The following ZSCAN25 variants were observed in gnomAD, a reference collection of about 807,000 sequenced individuals.
ZSCAN25 encodes the protein zinc finger and SCAN domain-containing protein 25.
A neutral mutation model predicts 38.7 loss-of-function variants in ZSCAN25; 27 were observed. The observed-to-expected ratio is 0.70, with a 90% CI of 0.51 to 0.96. ZSCAN25 has a LOEUF of 0.96. ZSCAN25 is among the 40% of genes least tolerant of loss of function. The probability of loss-of-function intolerance (pLI) is 0.00; values close to 1 mark genes in which losing one functional copy is unlikely to be tolerated. For synonymous variants in ZSCAN25, 273 were observed against 277.7 expected (o/e 0.98, Z 0.17); for missense variants, 637 against 705.9 (o/e 0.90, Z 1.11).
chr7:99,735,714 GTCT>G, the ZSCAN25 span, among the ~76,000 whole-genome samples: 1 of 152,150 alleles, frequency 6.6e-6, no homozygotes, highest in East Asian at 1.9e-4. Flanking sequence ...CAGTTCTATT[GTCT>G]TCTTTCCTCT....
chr7:99,663,347 T>C, the ZSCAN25 span: 4 of 993,788 alleles, frequency 4.0e-6, no homozygotes, highest in African/African-American at 7.0e-5. Flanking sequence ...TCTCAAACTC[T>C]ATATAATCTT....
the ZSCAN25 span, among the ~76,000 whole-genome samples, chr7:99,712,482 G>A: frequency 2.6e-5 from 4 of 152,122 alleles, no homozygotes; most frequent in Admixed American, 6.6e-5. Context: ...TTCATCAGTG[G>A]CACTAGCCAC....
the ZSCAN25 span, among the ~76,000 whole-genome samples, chr7:99,711,548 C>A: frequency 2.6e-5 from 4 of 152,278 alleles, no homozygotes; most frequent in East Asian, 5.8e-4. Context: ...GTGGGTGGAT[C>A]ACCCGAGGTC....
chr7:99,731,019 C>T, the ZSCAN25 span: 1 of 1,609,954 alleles, frequency 6.2e-7, no homozygotes, highest in Middle Eastern at 1.7e-4. Context: ...TTGCTCTTTG[C>T]AATCATAAGA....
chr7:99,630,068 G>A lies in ZSCAN25; in HGVS notation c.*48G>A. 2.1e-6 allele frequency: 3 copies of A among 1,463,368 alleles called. No individual in the cohort carries two copies. The highest frequency in any genetic ancestry group is 2.7e-6 in the Non-Finnish European group (3 of 1,106,876). The allele number at this position is 1,463,368 out of a possible 1,614,324, so 90.6% of individuals were successfully genotyped here. On this transcript the variant is annotated 3_prime_UTR_variant, in exon 8 of 8. Transcript: ENST00000394152. ...CCATCATTCATCTTTCTCACTGCAGGGCCTTGCGGGGTGCAAGGTGATGGC... is the reference window on the plus strand; with the variant it reads ...CCATCATTCATCTTTCTCACTGCAGAGCCTTGCGGGGTGCAAGGTGATGGC...
the ZSCAN25 span, among the ~76,000 whole-genome samples, chr7:99,699,335 G>A: frequency 1.3e-5 from 2 of 152,174 alleles, no homozygotes; most frequent in Non-Finnish European, 2.9e-5. Context: ...ACAGGGTGGA[G>A]GAGTGAGTCA....
chr7:99,630,753 C>G lies in ZSCAN25; in HGVS notation c.*733C>G, dbSNP rs1807935293. 5.1e-6 allele frequency: 5 copies of G among 985,362 alleles called. No homozygotes were observed. Among genetic ancestry groups the G allele is most frequent in the Non-Finnish European group, 4.8e-6 (4 of 829,930 alleles). The allele number at this position is 985,362 out of a possible 1,614,324, so 61.0% of individuals were successfully genotyped here. The stretch of plus-strand genomic sequence containing the variant: ...ATTCTATCCTCATCTGTAAAACTTC[C>G]CCGTCCATTATTCCTTGCACTATAA... On this transcript the variant is annotated 3_prime_UTR_variant, in exon 8 of 8. Coordinates refer to ENST00000394152, the MANE Select transcript of ZSCAN25 (RefSeq NM_145115.3).
the ZSCAN25 span, among the ~76,000 whole-genome samples, chr7:99,737,398 C>T: frequency 6.6e-6 from 1 of 152,068 alleles, no homozygotes; most frequent in Non-Finnish European, 1.5e-5. Flanking sequence ...CCCAGTGGCA[C>T]CCCCTGGGTT....
At chr7:99,663,868 G>A in the ZSCAN25 span, 1 of 1,448,460 alleles carries the variant, frequency 6.9e-7, no homozygotes, top group Non-Finnish European at 9.0e-7. Context: ...TAAGTTCTCT[G>A]TCTTTATTTT....
At chr7:99,691,859 CT>C in the ZSCAN25 span, among the ~76,000 whole-genome samples, 1 of 152,124 alleles carries the variant, frequency 6.6e-6, no homozygotes, top group Non-Finnish European at 1.5e-5. Context: ...GTTCATCAGT[CT>C]GTGTCTTTTA....
chr7:99,731,181 A>G, the ZSCAN25 span: 2 of 1,612,652 alleles, frequency 1.2e-6, no homozygotes, highest in Non-Finnish European at 1.7e-6. Flanking sequence ...ATCAGGTCTC[A>G]GGGATTGTGA....
At chr7:99,696,117 G>GT in the ZSCAN25 span, among the ~76,000 whole-genome samples, 1 of 152,178 alleles carries the variant, frequency 6.6e-6, no homozygotes, top group African/African-American at 2.4e-5. Flanking sequence ...GTCCTCAAAC[G>GT]TGAGTGCTCC....
chr7:99,628,546 A>G (rs1227182928), intron 7 of ZSCAN25, among the ~76,000 whole-genome samples: 1 of 152,232 alleles, frequency 6.6e-6, no homozygotes, highest in Non-Finnish European at 1.5e-5. Flanking sequence ...TAAATATGCT[A>G]CCTAGGGGCG....
chr7:99,696,562 G>A, the ZSCAN25 span, among the ~76,000 whole-genome samples: 2 of 152,130 alleles, frequency 1.3e-5, no homozygotes, highest in African/African-American at 4.8e-5. Context: ...TGGTTGATTT[G>A]CGCTATTGGG....
the ZSCAN25 span, among the ~76,000 whole-genome samples, chr7:99,732,390 AT>A: frequency 1.3e-5 from 2 of 151,580 alleles, no homozygotes; most frequent in African/African-American, 2.4e-5. Context: ...CCACCCTGAG[AT>A]TTTTTTTTAT....
chr7:99,663,038 A>G, the ZSCAN25 span: 1 of 1,388,252 alleles, frequency 7.2e-7, no homozygotes, highest in Non-Finnish European at 9.4e-7. Flanking sequence ...GTGAACAAAA[A>G]CATTCATCTA....
the ZSCAN25 span, chr7:99,663,987 C>G: frequency 6.3e-7 from 1 of 1,587,366 alleles, no homozygotes; most frequent in South Asian, 1.2e-5. Flanking sequence ...GTCGTTGAGG[C>G]GACTTTTCTT....
chr7:99,677,982 A>G, the ZSCAN25 span, among the ~76,000 whole-genome samples: 1 of 152,228 alleles, frequency 6.6e-6, no homozygotes, highest in South Asian at 2.1e-4. Context: ...GTTTCTTTCC[A>G]GCTCCCCTCT....
At position 99,629,595 on chromosome 7, in the gene ZSCAN25, G is replaced by A. The variant is rs751460606; in HGVS notation, c.1210G>A (p.Val404Met). ...AACCCACCTGGGAAAGAGGCCCTAC[G>A]TGTGCAGCGAGTGCTGGAAAACCTT... ...QRTHLGKRPY[V>M]CSECWKTFSQ... The change falls in exon 8 of 8, where the codon GTG becomes ATG. Residue 404 changes from valine to methionine, a missense_variant. Val to Met is a conservative substitution (Grantham distance 21). Transcript: ENST00000394152. The surrounding 1 kb of genome is among the most constrained non-coding windows in gnomAD (Gnocchi z 5.6). 2.7e-5 allele frequency: 43 copies of A among 1,614,038 alleles called. No individual in the cohort carries two copies. The highest frequency in any genetic ancestry group is 1.2e-4 in the South Asian group (11 of 91,090).
Sources: gnomAD v4.1 joint callset for allele counts (sites outside exome capture counted in the v4.1 genomes callset) on GRCh38, gnomAD v4.1.1 for gene constraint, Gnocchi (gnomAD v3.1) non-coding constraint, MANE v1.5 for transcripts, NCBI Gene and HGNC (gene_info 2026-07-23, HGNC 2026-07-21) for gene names.